Variants in PDSS1 observed in about 807,000 individuals in gnomAD.
The protein encoded by PDSS1 is all trans-polyprenyl-diphosphate synthase PDSS1.
PDSS1 carries 43 observed loss-of-function variants against 57.5 expected under a neutral mutation model. That is an observed-to-expected ratio of 0.75 (90% CI 0.59 to 0.96). PDSS1 has a LOEUF of 0.96. Ranked by LOEUF, PDSS1 falls within the 50% of genes least tolerant of loss-of-function variation. The pLI, the probability that PDSS1 is intolerant of heterozygous loss-of-function variation, is 0.00. For synonymous variants in PDSS1, 175 were observed against 191.3 expected (o/e 0.91, Z 0.70); for missense variants, 438 against 527.8 (o/e 0.83, Z 1.67).
intron 1 of PDSS1, among the ~76,000 whole-genome samples, 164 bp downstream of exon 1, chr10:26,698,004 C>G (rs1834925065): frequency 6.6e-6 from 1 of 151,292 alleles, no homozygotes; most frequent in Non-Finnish European, 1.5e-5. Flanking sequence ...GAGGGGTGCT[C>G]GCGGTGGGAC....
chr10:26,704,187 C>G (rs534701424), intron 2 of PDSS1, among the ~76,000 whole-genome samples: 2 of 150,788 alleles, frequency 1.3e-5, no homozygotes, highest in African/African-American at 4.9e-5. Context: ...CCCCCACAAT[C>G]CGATTCATTC....
intron 5 of PDSS1, among the ~76,000 whole-genome samples, chr10:26,716,152 G>A (rs1412730211): frequency 1.3e-5 from 2 of 152,144 alleles, no homozygotes; most frequent in African/African-American, 4.8e-5. Flanking sequence ...GGGGAGGATG[G>A]CCTAGAAGTT....
intron 9 of PDSS1, 45 bp downstream of exon 9, chr10:26,735,365 G>A (rs570909836): frequency 2.1e-6 from 3 of 1,423,794 alleles, no homozygotes; most frequent in South Asian, 1.1e-5. Flanking sequence ...TAGTGATACA[G>A]TCAGCATTCT....
intron 1 of PDSS1, among the ~76,000 whole-genome samples, chr10:26,698,457 C>G (rs905324947): frequency 6.6e-6 from 1 of 152,120 alleles, no homozygotes; most frequent in Non-Finnish European, 1.5e-5. Context: ...GGAGAGAAAC[C>G]CTGGAGTCAT....
chr10:26,727,337 TCTC>T (rs1159056357), intron 8 of PDSS1, among the ~76,000 whole-genome samples: 4 of 111,404 alleles, frequency 3.6e-5, no homozygotes, highest in Non-Finnish European at 5.9e-5. Flanking sequence ...TCTCTCTCTC[TCTC>T]TTTTTTTTTT....
At chr10:26,713,484 T>G (rs1366177947) in intron 5 of PDSS1, among the ~76,000 whole-genome samples, 2 of 152,152 alleles carry the variant, frequency 1.3e-5, no homozygotes, top group Non-Finnish European at 2.9e-5. Flanking sequence ...TACGGGGAGT[T>G]CTTAACTTGA....
In PDSS1 at chr10:26,742,521, A is replaced by C. The variant is rs777085672; in HGVS notation, c.1051A>C (p.Met351Leu). The C allele has an allele frequency of 6.2e-7, 1 of 1,612,450 alleles. No individual in the cohort carries two copies. Among genetic ancestry groups the C allele is most frequent in the Non-Finnish European group, 8.5e-7 (1 of 1,178,902 alleles). The change falls in exon 11 of 12, where the codon ATG becomes CTG. Residue 351 changes from methionine to leucine, a missense_variant. Coordinates refer to ENST00000376215, the MANE Select transcript of PDSS1 (RefSeq NM_014317.5). ...GTTCCCAGAAATGAATGCTATGATCATGCGACGGTTCAGTTTGCCTGGAGA... is the reference window on the plus strand; with the variant it reads ...GTTCCCAGAAATGAATGCTATGATCCTGCGACGGTTCAGTTTGCCTGGAGA... Reference protein sequence around the residue: ...QQFPEMNAMIMRRFSLPGDVD... With the variant: ...QQFPEMNAMILRRFSLPGDVD...
chr10:26,713,014 T>C lies in PDSS1; in HGVS notation c.467+3246T>C, dbSNP rs189874923. The stretch of plus-strand genomic sequence containing the variant: ...TATGTATTAAATTGGGGATTTTTGC[T>C]GGGCACAGTGGCTCACGCCTGTAAT... On this transcript the variant is annotated intron_variant, in intron 5 of 11. Coordinates refer to ENST00000376215, the MANE Select transcript of PDSS1 (RefSeq NM_014317.5). Among the ~76,000 whole-genome samples the C allele has an allele frequency of 3.7e-3, 355 of 96,364 alleles. 86 individuals are homozygous for C. Among genetic ancestry groups the C allele is most frequent in the African/African-American group, 0.011 (329 of 29,524 alleles). The allele number at this position is 96,364 out of a possible 152,430, so 63.2% of individuals were successfully genotyped here. A position where few individuals can be genotyped will look rare whatever the true frequency, so the allele number is the denominator to read the frequency against.
intron 4 of PDSS1, among the ~76,000 whole-genome samples, chr10:26,709,266 A>T: frequency 6.6e-6 from 1 of 152,240 alleles, no homozygotes; most frequent in East Asian, 1.9e-4. Context: ...AAAGTTTTGT[A>T]GAAGAAATCC....
At chr10:26,703,201 TA>T (rs1835098566) in intron 2 of PDSS1, among the ~76,000 whole-genome samples, 1 of 152,226 alleles carries the variant, frequency 6.6e-6, no homozygotes, top group African/African-American at 2.4e-5. Context: ...AAGTCCATGC[TA>T]CTAATAATTG....
intron 5 of PDSS1, chr10:26,717,564 A>G (rs1260876596): frequency 6.6e-6 from 1 of 152,230 alleles, no homozygotes; most frequent in East Asian, 1.9e-4. Flanking sequence ...TATATAGTCT[A>G]TGAAATTTCA....
intron 11 of PDSS1, among the ~76,000 whole-genome samples, chr10:26,743,310 G>C (rs1479068319): frequency 1.3e-5 from 2 of 152,172 alleles, no homozygotes; most frequent in African/African-American, 2.4e-5. Flanking sequence ...AGATCTACTG[G>C]ATGAGTCGGA....
intron 8 of PDSS1, among the ~76,000 whole-genome samples, chr10:26,728,068 C>T (rs959793563): frequency 6.6e-6 from 1 of 152,152 alleles, no homozygotes; most frequent in Non-Finnish European, 1.5e-5. Context: ...GATTAGGATA[C>T]TGTCGGGCCG....
rs777085672 is a variant in PDSS1, at chr10:26,742,521, A to G, written c.1051A>G (p.Met351Val). 1.2e-6 allele frequency: 2 copies of G among 1,612,450 alleles called. No homozygotes were observed. Among genetic ancestry groups the G allele is most frequent in the South Asian group, 2.2e-5 (2 of 91,050 alleles). ...GTTCCCAGAAATGAATGCTATGATC[A>G]TGCGACGGTTCAGTTTGCCTGGAGA... The part of the protein sequence containing the change: ...QQFPEMNAMI[M>V]RRFSLPGDVD... The change falls in exon 11 of 12, where the codon ATG becomes GTG. Residue 351 changes from methionine (M) to valine (V), a missense_variant. This residue lies in a region of PDSS1 where 284 missense variants were observed against 390.7 expected (regional missense o/e 0.73). Coordinates refer to ENST00000376215, the MANE Select transcript of PDSS1 (RefSeq NM_014317.5).
intron 1 of PDSS1, among the ~76,000 whole-genome samples, chr10:26,701,084 A>G (rs1218116335): frequency 6.6e-6 from 1 of 152,118 alleles, no homozygotes; most frequent in African/African-American, 2.4e-5. Context: ...GGCAAAGGTC[A>G]CTCTTGCTAT....
In PDSS1 at chr10:26,738,374, C is replaced by T. The variant is rs139098819; in HGVS notation, c.1026+2795C>T. Among the ~76,000 whole-genome samples the T allele has an allele frequency of 3.3e-4, 51 of 152,334 alleles. No individual in the cohort carries two copies. In the Middle Eastern group the frequency reaches 0.01, roughly 30 times the overall value. ...ATCTGGTAAATGGCACAGCAGGGAA[C>T]TGAACAAGTCTAAGACCAGTATTCA... On this transcript the variant is annotated intron_variant, in intron 10 of 11. Coordinates refer to ENST00000376215, the MANE Select transcript of PDSS1 (RefSeq NM_014317.5).
intron 1 of PDSS1, chr10:26,701,814 T>C (rs1835059292): frequency 2.2e-6 from 1 of 454,032 alleles, no homozygotes. Context: ...GACCCCAGAA[T>C]GGTAGGTCCA....
chr10:26,723,251 T>C (rs886824321), intron 6 of PDSS1, among the ~76,000 whole-genome samples: 3 of 152,174 alleles, frequency 2.0e-5, no homozygotes, highest in Non-Finnish European at 4.4e-5. Context: ...TGCAAATAAG[T>C]CCACTCAGTG....
chr10:26,735,290 G>T lies in PDSS1; in HGVS notation c.882G>T (p.Gln294His). 1 of 1,613,326 alleles carries T rather than the reference G, an allele frequency of 6.2e-7. No individual in the cohort carries two copies. Among genetic ancestry groups the T allele is most frequent in the Non-Finnish European group, 8.5e-7 (1 of 1,179,264 alleles). Residue 294 changes from glutamine (Q) to histidine (H), a missense_variant, in exon 9 of 12, where the codon CAG (glutamine) becomes CAT (histidine). By Grantham distance (24) the Gln-to-His change is conservative (BLOSUM62 0). This residue lies in a region of PDSS1 where 284 missense variants were observed against 390.7 expected (regional missense o/e 0.73). Coordinates refer to ENST00000376215, the MANE Select transcript of PDSS1 (RefSeq NM_014317.5). ...PDPVVHEIAY[Q>H]YGKNVGIAFQ... ...CAGTGGTGCATGAGATCGCCTATCA[G>T]TACGGAAAAAATGTAGGAATAGCTT...
Sources: gnomAD v4.1 joint callset for allele counts (sites outside exome capture counted in the v4.1 genomes callset) on GRCh38, gnomAD v4.1.1 for gene constraint, gnomAD v4.1.1 regional missense constraint, MANE v1.5 for transcripts, NCBI Gene and HGNC (gene_info 2026-07-23, HGNC 2026-07-21) for gene names.